Variants in TASOR2 observed in about 807,000 individuals in gnomAD.
TASOR2 encodes the protein transcription activation suppressor family member 2, also known as protein TASOR 2.
A neutral mutation model predicts 199.5 loss-of-function variants in TASOR2; 84 were observed. The observed-to-expected ratio is 0.42, with a 90% CI of 0.35 to 0.50. The LOEUF is 0.50. Ranked by LOEUF, TASOR2 falls within the 20% of genes least tolerant of loss-of-function variation. The pLI is 0.02. For missense variants in TASOR2, 2,796 were observed against 2,835.9 expected, an observed-to-expected ratio of 0.99 and a Z score of 0.32; for synonymous variants, 1,103 against 1,046.6, an observed-to-expected ratio of 1.05 and a Z score of -1.04.
chr10:5,747,665 G>A (rs1837405186), exon 15 of TASOR2: 6 of 1,614,024 alleles, frequency 3.7e-6, no homozygotes, highest in South Asian at 1.1e-5. Flanking sequence ...AAAGAGACAC[G>A]ACCATATCAG....
intron 6 of TASOR2, 114 bp from the exon 8 acceptor site, chr10:5,723,563 A>T: frequency 1.8e-6 from 1 of 554,288 alleles, no homozygotes; most frequent in Non-Finnish European, 3.1e-6. Flanking sequence ...TTATCAACTT[A>T]AGGTCTTTTT....
chr10:5,757,300 CT>C (rs1296963025), intron 16 of TASOR2, among the ~76,000 whole-genome samples: 1 of 152,112 alleles, frequency 6.6e-6, no homozygotes, highest in Non-Finnish European at 1.5e-5. Flanking sequence ...AGTTTGAGAC[CT>C]TTTTTTAATG....
rs892345091 is a variant in TASOR2 at position 5,719,332 on chromosome 10, G to C, written c.-99-1212G>C. Among the ~76,000 whole-genome samples the C allele has an allele frequency of 6.6e-6, 1 of 151,788 alleles. No individual in the cohort carries two copies. The highest frequency in any genetic ancestry group is 1.9e-4 in the East Asian group (1 of 5,160). On this transcript the variant is annotated intron_variant, in intron 3 of 20. Transcript: ENST00000328090. This position sits in a 1 kb window ranked among gnomAD's most constrained non-coding sequence, Gnocchi z 4.1. Reference sequence around the variant, plus strand: ...TCATAATGGTAAACTTGGCTTACTTGCTTTTTATTTTTTTGTTTGTTTGTT... The same window carrying C: ...TCATAATGGTAAACTTGGCTTACTTCCTTTTTATTTTTTTGTTTGTTTGTT...
At chr10:5,711,667 A>G (rs538265059) in intron 1 of TASOR2, among the ~76,000 whole-genome samples, 1 of 152,240 alleles carries the variant, frequency 6.6e-6, no homozygotes, top group Non-Finnish European at 1.5e-5. Flanking sequence ...CCAGTCGGTA[A>G]TTCTCAATTA....
At chr10:5,725,617 C>CT (rs5782857) in intron 8 of TASOR2, among the ~76,000 whole-genome samples, 39 of 150,142 alleles carry the variant, frequency 2.6e-4, no homozygotes, top group African/African-American at 5.1e-4. Flanking sequence ...AATTAAAAAA[C>CT]TTTTTTTTTT....
intron 11 of TASOR2, 88 bp from the exon 13 acceptor site, chr10:5,735,216 T>C: frequency 6.7e-7 from 1 of 1,502,304 alleles, no homozygotes; most frequent in Non-Finnish European, 8.9e-7. Context: ...GTCCCCAAAA[T>C]AAAAACAAAA....
In TASOR2 at chr10:5,730,560, C is replaced by G. The variant is rs374281438; in HGVS notation, c.561C>G (p.Ala187=). 10 of 1,613,802 alleles carry G rather than the reference C, an allele frequency of 6.2e-6. No homozygotes were observed. The African/African-American group carries it at 1.3e-4, about 22-fold the overall frequency. ...CTATTTTATCTACCCTTAATTGTGC[C>G]CTGCTAGAAACAAAGAAATCACTTC... The change falls in exon 11 of 21, where the codon GCC becomes GCG. Residue 187 remains alanine, a synonymous_variant. Transcript: ENST00000328090. This position sits in a 1 kb window ranked among gnomAD's most constrained non-coding sequence, Gnocchi z 4.1.
Position 5,742,093 on chromosome 10 carries a change from T to G in TASOR2, c.2328-4T>G, listed in dbSNP as rs1836515722. On this transcript the variant is annotated splice_region_variant and splice_polypyrimidine_tract_variant and intron_variant, in intron 13 of 20. Transcript: ENST00000328090. This position sits in a 1 kb window ranked among gnomAD's most constrained non-coding sequence, Gnocchi z 4.2. ...TTTCATGTGTTCTTTCTGTAAACTC[T>G]TAGGCCCTGGAATACTGATTTGCCT... 1 of 1,612,362 alleles carries G rather than the reference T, an allele frequency of 6.2e-7. No homozygotes were observed. Among genetic ancestry groups the G allele is most frequent in the African/African-American group, 1.3e-5 (1 of 74,768 alleles).
At chr10:5,731,392 G>C (rs1413801158) in intron 11 of TASOR2, among the ~76,000 whole-genome samples, 189 bp downstream of exon 12, 2 of 152,140 alleles carry the variant, frequency 1.3e-5, no homozygotes, top group Non-Finnish European at 2.9e-5. Context: ...GTTGGGTGTG[G>C]CGGTGCGTGC....
At chr10:5,749,195 A>C in exon 15 of TASOR2, 1 of 1,614,104 alleles carries the variant, frequency 6.2e-7, no homozygotes, top group Non-Finnish European at 8.5e-7. Flanking sequence ...CTCAGGACTT[A>C]CGCCAACTTC....
chr10:5,711,720 A>T (rs886254526), intron 1 of TASOR2, among the ~76,000 whole-genome samples: 6 of 152,144 alleles, frequency 3.9e-5, no homozygotes, highest in African/African-American at 1.4e-4. Context: ...CAGTCCCTCA[A>T]AGCTATCTCA....
intron 1 of TASOR2, chr10:5,712,112 A>G (rs978916796): frequency 2.0e-5 from 4 of 204,750 alleles, no homozygotes; most frequent in East Asian, 1.1e-4. Flanking sequence ...TCCACTTTTG[A>G]CCAACTACAG....
At chr10:5,688,643 A>G (rs936339718) in intron 1 of TASOR2, among the ~76,000 whole-genome samples, 2 of 151,984 alleles carry the variant, frequency 1.3e-5, no homozygotes, top group Non-Finnish European at 2.9e-5. Flanking sequence ...TTACCTACAC[A>G]TGTGTCATTT....
At chr10:5,686,147 C>A (rs1293040513) in intron 1 of TASOR2, among the ~76,000 whole-genome samples, 8 of 152,154 alleles carry the variant, frequency 5.3e-5, no homozygotes, top group African/African-American at 1.2e-4. Context: ...CAATAAATAA[C>A]TAAGCCAGGC....
rs1192368695 is a variant in TASOR2, at chr10:5,754,954, G to A, written c.6607-1659G>A. On this transcript the variant is annotated intron_variant, in intron 15 of 20. Transcript: ENST00000328090. The surrounding 1 kb of genome is among the most constrained non-coding windows in gnomAD (Gnocchi z 4.3). ...CCAGCTACTCGGGAGGCTGAGGCAG[G>A]AGAATGGCGTGAACCCGGGAGGCAG... Among the ~76,000 whole-genome samples, 1 of 150,554 alleles carries A rather than the reference G, an allele frequency of 6.6e-6. No homozygotes were observed. Among genetic ancestry groups the A allele is most frequent in the Non-Finnish European group, 1.5e-5 (1 of 67,800 alleles).
chr10:5,730,959 T>G lies in TASOR2; in HGVS notation c.960T>G (p.Thr320=). The change falls in exon 11 of 21, where the codon ACT becomes ACG. Residue 320 remains threonine (T), a synonymous_variant. Coordinates refer to ENST00000328090, the Ensembl canonical transcript of TASOR2. This position sits in a 1 kb window ranked among gnomAD's most constrained non-coding sequence, Gnocchi z 4.1. ...CAGAGGCAGAAGTGAGAAAAGAAACTGAAACAAAAAAGGATTCTGAAGAAA... is the reference window on the plus strand; with the variant it reads ...CAGAGGCAGAAGTGAGAAAAGAAACGGAAACAAAAAAGGATTCTGAAGAAA... The G allele has an allele frequency of 1.2e-6, 2 of 1,613,844 alleles. No individual in the cohort carries two copies. The highest frequency in any genetic ancestry group is 1.7e-6 in the Non-Finnish European group (2 of 1,179,936).
intron 1 of TASOR2, among the ~76,000 whole-genome samples, chr10:5,700,234 TAC>T (rs1837644319): frequency 6.6e-6 from 1 of 152,166 alleles, no homozygotes; most frequent in African/African-American, 2.4e-5. Context: ...CATAAAGACC[TAC>T]AGTTGCATCA....
At chr10:5,762,986 G>T in intron 20 of TASOR2, 43 bp from the exon 22 acceptor site, 1 of 1,591,024 alleles carries the variant, frequency 6.3e-7, no homozygotes, top group Non-Finnish European at 8.6e-7. Context: ...TTTCTTGTTC[G>T]TATTATTTTA....
rs372064688 is a variant in TASOR2 at position 5,749,926 on chromosome 10, T to G, written c.6505T>G (p.Leu2169Val). 5.6e-6 allele frequency: 9 copies of G among 1,614,072 alleles called. No individual in the cohort carries two copies. The highest frequency in any genetic ancestry group is 2.7e-5 in the African/African-American group (2 of 74,922). The stretch of plus-strand genomic sequence containing the variant: ...CATAATCATAGACGTGTGCACCAAT[T>G]TGCACGTCAAACTAAGAAGTGTTGT... The change falls in exon 15 of 21, where the codon TTG becomes GTG. Residue 2169 changes from leucine to valine, a missense_variant. Around this residue, in one of 3 missense-constraint regions of TASOR2, gnomAD observed 1,941 missense variants for 1,924.9 expected, o/e 1.01. Transcript: ENST00000328090.
Sources: allele counts gnomAD v4.1 joint callset (sites outside exome capture counted in the v4.1 genomes callset), GRCh38; gene constraint gnomAD v4.1.1; regional missense constraint gnomAD v4.1.1; non-coding constraint Gnocchi (gnomAD v3.1); transcripts MANE v1.5; gene names NCBI Gene and HGNC (gene_info 2026-07-23, HGNC 2026-07-21).